DTHD1: variants seen among roughly 807,000 people sequenced by gnomAD.
The protein encoded by DTHD1 is death domain containing 1, also known as death domain-containing protein 1.
DTHD1 carries 59 observed loss-of-function variants against 74.8 expected under a neutral mutation model. That is an observed-to-expected ratio of 0.79 (90% CI 0.64 to 0.98). DTHD1 has a LOEUF of 0.98. Ranked by LOEUF, DTHD1 falls within the 50% of genes least tolerant of loss-of-function variation. The pLI is 0.00. For missense variants in DTHD1, 1,051 were observed against 1,065.4 expected (o/e 0.99, Z 0.19); for synonymous variants, 365 against 371.1 (o/e 0.98, Z 0.19).
At chr4:36,293,975 G>A (rs1160752999) in intron 4 of DTHD1, among the ~76,000 whole-genome samples, 2 of 151,674 alleles carry the variant, frequency 1.3e-5, no homozygotes, top group African/African-American at 4.8e-5. Context: ...ATATTTATTG[G>A]GAAAATTTAT....
intron 8 of DTHD1, among the ~76,000 whole-genome samples, chr4:36,321,545 C>CT (rs1758037841): frequency 6.6e-6 from 1 of 152,128 alleles, no homozygotes. Context: ...GGAAAACAAG[C>CT]TCAAGGCTCC....
At chr4:36,333,334 T>C (rs1758806284) in intron 8 of DTHD1, among the ~76,000 whole-genome samples, 2 of 152,060 alleles carry the variant, frequency 1.3e-5, no homozygotes, top group Admixed American at 1.3e-4. Flanking sequence ...CTTAGATGCA[T>C]GATTATGTCT....
At position 36,346,519 on chromosome 4, in the gene DTHD1, C is replaced by T. The variant is rs1759595845; in HGVS notation, c.*2695C>T. On this transcript the variant is annotated 3_prime_UTR_variant, in exon 10 of 10. Coordinates refer to ENST00000639862, the MANE Select transcript of DTHD1 (RefSeq NM_001170700.3). ...ATTGATCATCCCTGCAGCATCTCCT[C>T]TCTTAAGATAATCCAGGAAATCAAT... Among the ~76,000 whole-genome samples, 1 of 152,062 alleles carries T rather than the reference C, an allele frequency of 6.6e-6. No individual in the cohort carries two copies. The highest frequency in any genetic ancestry group is 2.1e-4 in the South Asian group (1 of 4,828).
chr4:36,307,126 T>G (rs1371638034), intron 6 of DTHD1, among the ~76,000 whole-genome samples: 1 of 152,232 alleles, frequency 6.6e-6, no homozygotes, highest in Non-Finnish European at 1.5e-5. Context: ...GGGCCTCTTT[T>G]AGGCCAAATC....
intron 3 of DTHD1, 94 bp downstream of exon 3, chr4:36,290,797 C>A: frequency 2.0e-6 from 2 of 978,892 alleles, no homozygotes; most frequent in Non-Finnish European, 2.9e-6. Context: ...TATAATTGCT[C>A]CACTAGTAAT....
At chr4:36,300,029 C>T (rs1427973309) in intron 5 of DTHD1, among the ~76,000 whole-genome samples, 1 of 152,066 alleles carries the variant, frequency 6.6e-6, no homozygotes, top group Admixed American at 6.6e-5. Flanking sequence ...GAGTTTCTTC[C>T]TGCCTTCTTA....
intron 8 of DTHD1, among the ~76,000 whole-genome samples, chr4:36,319,239 T>C (rs2109529249): frequency 6.6e-6 from 1 of 152,344 alleles, no homozygotes. Flanking sequence ...TTCCTTCTTC[T>C]GTGATTAGAA....
chr4:36,294,489 A>G (rs1040755286), intron 4 of DTHD1, among the ~76,000 whole-genome samples: 3 of 152,072 alleles, frequency 2.0e-5, no homozygotes, highest in Admixed American at 2.0e-4. Flanking sequence ...ATTAGAAATC[A>G]TTATAAAACA....
At chr4:36,285,201 T>G (rs892453004) in intron 2 of DTHD1, among the ~76,000 whole-genome samples, 1 of 152,098 alleles carries the variant, frequency 6.6e-6, no homozygotes, top group Non-Finnish European at 1.5e-5. Flanking sequence ...GATACGAAAG[T>G]AGTTAAAATG....
rs141895772 is a variant in DTHD1 at position 36,345,063 on chromosome 4, G to A, written c.*1239G>A. On this transcript the variant is annotated 3_prime_UTR_variant, in exon 10 of 10. Transcript: ENST00000639862. ...ATTTTGTTATTAGCGAAATGAGGCA[G>A]TGCAGAGAAAATAAGTTATCAGTGA... is the stretch of plus-strand genomic sequence containing the variant. 1 of 152,262 alleles carries A rather than the reference G, an allele frequency of 6.6e-6. No individual in the cohort carries two copies. The highest frequency in any genetic ancestry group is 2.4e-5 in the African/African-American group (1 of 41,566). 9.4% of individuals were successfully genotyped at this position (152,262 alleles called of 1,614,324 possible). A position where few individuals can be genotyped will look rare whatever the true frequency, so the allele number is the denominator to read the frequency against.
chr4:36,319,430 C>T (rs1466568033), intron 8 of DTHD1, among the ~76,000 whole-genome samples: 1 of 152,200 alleles, frequency 6.6e-6, no homozygotes, highest in East Asian at 1.9e-4. Context: ...GCTAAGGCAT[C>T]GATGTGGATC....
intron 5 of DTHD1, among the ~76,000 whole-genome samples, chr4:36,296,828 A>G (rs894660331): frequency 2.0e-5 from 3 of 152,024 alleles, no homozygotes; most frequent in Non-Finnish European, 2.9e-5. Flanking sequence ...ATCCTTGAGC[A>G]ATGCAGGGGG....
chr4:36,285,478 G>A (rs1257352409), intron 2 of DTHD1, among the ~76,000 whole-genome samples: 2 of 152,104 alleles, frequency 1.3e-5, no homozygotes, highest in Non-Finnish European at 2.9e-5. Flanking sequence ...GTCTAGAACT[G>A]TCATCAGATT....
chr4:36,299,182 G>C (rs1756615144), intron 5 of DTHD1, among the ~76,000 whole-genome samples: 1 of 151,938 alleles, frequency 6.6e-6, no homozygotes, highest in South Asian at 2.1e-4. Context: ...TATTTGTCCT[G>C]ATACATTTTC....
chr4:36,324,580 A>T (rs1457050061), intron 8 of DTHD1, among the ~76,000 whole-genome samples: 2 of 152,114 alleles, frequency 1.3e-5, no homozygotes, highest in Non-Finnish European at 1.5e-5. Flanking sequence ...TCTTCTGTAG[A>T]TGTATTATAT....
intron 7 of DTHD1, 83 bp downstream of exon 7, chr4:36,308,576 T>C: frequency 8.9e-7 from 1 of 1,126,444 alleles, no homozygotes; most frequent in Admixed American, 2.8e-5. Context: ...CTTGTGTTAC[T>C]AAGGAAACCT....
chr4:36,305,980 G>A (rs955173906), intron 5 of DTHD1, among the ~76,000 whole-genome samples: 1 of 152,136 alleles, frequency 6.6e-6, no homozygotes, highest in South Asian at 2.1e-4. Flanking sequence ...ACCTTGTGCT[G>A]TAATCAGATA....
intron 8 of DTHD1, among the ~76,000 whole-genome samples, chr4:36,328,492 ATGCCTGTG>A (rs879625441): frequency 0.016 from 2,498 of 152,330 alleles, 29 homozygotes; most frequent in Middle Eastern, 0.068. Flanking sequence ...CCACGTGTGC[ATGCCTGTG>A]GGCATGCACG....
intron 7 of DTHD1, among the ~76,000 whole-genome samples, chr4:36,312,530 G>C (rs1757465958): frequency 6.6e-6 from 1 of 151,872 alleles, no homozygotes; most frequent in South Asian, 2.1e-4. Flanking sequence ...GACCTTAAAG[G>C]GTGTAGCAGG....
Sources: allele counts gnomAD v4.1 joint callset (sites outside exome capture counted in the v4.1 genomes callset), GRCh38; gene constraint gnomAD v4.1.1; transcripts MANE v1.5; gene names NCBI Gene and HGNC (gene_info 2026-07-23, HGNC 2026-07-21).